Variants in IKZF2 observed in about 807,000 individuals in gnomAD.
IKZF2 encodes the protein zinc finger protein Helios.
Under a neutral mutation model 49.2 loss-of-function variants are expected in IKZF2, and 15 were observed. That is an observed-to-expected ratio of 0.30 (90% CI 0.20 to 0.47). IKZF2 has a LOEUF of 0.47. IKZF2 is among the 20% of genes least tolerant of loss of function. The pLI is 1.00. For synonymous variants in IKZF2, 227 were observed against 221.4 expected (o/e 1.03, Z -0.23); for missense variants, 567 against 664.6 (o/e 0.85, Z 1.61).
intron 6 of IKZF2, among the ~76,000 whole-genome samples, chr2:213,025,242 C>G (rs779465517): frequency 6.6e-6 from 1 of 152,148 alleles, no homozygotes; most frequent in Non-Finnish European, 1.5e-5. Flanking sequence ...TGCATCCCTT[C>G]AGATATTGTT....
intron 2 of IKZF2, among the ~76,000 whole-genome samples, chr2:213,149,143 C>T (rs1482887122): frequency 1.3e-5 from 2 of 152,082 alleles, no homozygotes; most frequent in Non-Finnish European, 2.9e-5. Flanking sequence ...AACTTAGTGC[C>T]CAACGGTGTC....
chr2:213,103,504 G>A (rs1380488991), intron 4 of IKZF2, among the ~76,000 whole-genome samples: 1 of 152,140 alleles, frequency 6.6e-6, no homozygotes, highest in African/African-American at 2.4e-5. Flanking sequence ...GAGAATGAAT[G>A]AATGAGTATA....
At chr2:213,051,462 T>C (rs7591008) in intron 5 of IKZF2, among the ~76,000 whole-genome samples, 1,979 of 152,090 alleles carry the variant, frequency 0.013, 40 homozygotes, top group African/African-American at 0.046. Flanking sequence ...AAAAAATCTG[T>C]AATGTTAAAG....
intron 6 of IKZF2, among the ~76,000 whole-genome samples, chr2:213,036,726 C>G (rs1699067891): frequency 1.3e-5 from 2 of 152,032 alleles, no homozygotes; most frequent in Non-Finnish European, 2.9e-5. Flanking sequence ...TAATTATATT[C>G]TAAATATATT....
At chr2:213,071,539 A>G (rs539322961) in intron 4 of IKZF2, among the ~76,000 whole-genome samples, 12 of 152,238 alleles carry the variant, frequency 7.9e-5, no homozygotes, top group Admixed American at 5.2e-4. Context: ...CACTAAAGAT[A>G]CAGTAACAAT....
At chr2:213,141,609 C>G (rs1321113345) in intron 4 of IKZF2, among the ~76,000 whole-genome samples, 2 of 151,872 alleles carry the variant, frequency 1.3e-5, no homozygotes, top group Non-Finnish European at 2.9e-5. Flanking sequence ...ACTCCTAAAT[C>G]CTATTCATTT....
chr2:213,056,317 C>T (rs3768789), intron 5 of IKZF2, among the ~76,000 whole-genome samples: 87,061 of 151,822 alleles, frequency 0.57, 25,830 homozygotes, highest in East Asian at 0.76. Flanking sequence ...AGAAAGATGG[C>T]AGCATCCCTG....
rs1269041860 is a variant in IKZF2 at position 213,005,249 on chromosome 2, A to G, written c.*2111T>C. The stretch of plus-strand genomic sequence containing the variant: ...TTATCTTTAAATAGGTTGTATGTTC[A>G]CTATGTACCAAGGCATGCAGAAAAA... On this transcript the variant is annotated 3_prime_UTR_variant, in exon 9 of 9. Transcript: ENST00000434687. 6.7e-6 allele frequency: 1 copy of G among 148,494 alleles called. No individual in the cohort carries two copies. The highest frequency in any genetic ancestry group is 2.0e-4 in the East Asian group (1 of 5,016). The allele number at this position is 148,494 out of a possible 1,614,324, so 9.2% of individuals were successfully genotyped here. A position where few individuals can be genotyped will look rare whatever the true frequency, so the allele number is the denominator to read the frequency against.
intron 4 of IKZF2, among the ~76,000 whole-genome samples, chr2:213,076,460 G>T (rs1421646173): frequency 6.6e-6 from 1 of 152,106 alleles, no homozygotes; most frequent in Non-Finnish European, 1.5e-5. Flanking sequence ...TTGCGATACA[G>T]TTATACTGAT....
intron 4 of IKZF2, among the ~76,000 whole-genome samples, chr2:213,092,583 G>A (rs960606033): frequency 3.3e-5 from 5 of 152,022 alleles, no homozygotes; most frequent in African/African-American, 1.2e-4. Flanking sequence ...CGCCCTGTTC[G>A]AGCCACAGTG....
upstream of IKZF2, chr2:213,151,715 T>TGGC (rs1341524956): frequency 2.7e-5 from 4 of 146,616 alleles, no homozygotes; most frequent in African/African-American, 7.4e-5. Context: ...GAGGGCGGGC[T>TGGC]GGCGGCGGCT....
intron 5 of IKZF2, among the ~76,000 whole-genome samples, chr2:213,055,976 T>G (rs1287269238): frequency 6.6e-6 from 1 of 152,122 alleles, no homozygotes; most frequent in Non-Finnish European, 1.5e-5. Flanking sequence ...AAAGCCATCA[T>G]TACCATTAAA....
intron 4 of IKZF2, among the ~76,000 whole-genome samples, chr2:213,130,986 G>T (rs779196092): frequency 6.6e-6 from 1 of 152,138 alleles, no homozygotes; most frequent in African/African-American, 2.4e-5. Context: ...CTATAGGAAT[G>T]ATTACAAACA....
At chr2:213,023,820 T>C (rs1697497021) in intron 6 of IKZF2, among the ~76,000 whole-genome samples, 1 of 152,112 alleles carries the variant, frequency 6.6e-6, no homozygotes, top group Non-Finnish European at 1.5e-5. Context: ...CATTTCCGGG[T>C]CTTCCCTGGT....
intron 4 of IKZF2, among the ~76,000 whole-genome samples, chr2:213,086,008 A>G (rs759050425): frequency 2.2e-4 from 33 of 152,150 alleles, no homozygotes; most frequent in Non-Finnish European, 3.2e-4. Context: ...ACGTGGGGTA[A>G]AGAATAATTG....
chr2:213,122,244 T>G (rs1175238409), intron 4 of IKZF2, among the ~76,000 whole-genome samples: 1 of 152,234 alleles, frequency 6.6e-6, no homozygotes, highest in African/African-American at 2.4e-5. Context: ...TACCATCTTC[T>G]GAAAAGCAGA....
chr2:213,073,560 A>G (rs1035097622), intron 4 of IKZF2, among the ~76,000 whole-genome samples: 2 of 152,250 alleles, frequency 1.3e-5, no homozygotes, highest in African/African-American at 4.8e-5. Flanking sequence ...TGAAAGAGGT[A>G]ACACTACAAG....
intron 4 of IKZF2, 142 bp from the exon 5 acceptor site, chr2:213,057,241 T>G: frequency 4.1e-6 from 3 of 734,984 alleles, no homozygotes; most frequent in Non-Finnish European, 6.5e-6. Context: ...AATGCCATGT[T>G]AATACATACT....
At chr2:213,143,032 A>C (rs1484710582) in intron 4 of IKZF2, among the ~76,000 whole-genome samples, 2 of 152,028 alleles carry the variant, frequency 1.3e-5, no homozygotes, top group African/African-American at 2.4e-5. Flanking sequence ...ACAGATAAGA[A>C]GGGAAAAAAG....
Sources: allele counts gnomAD v4.1 joint callset (sites outside exome capture counted in the v4.1 genomes callset), GRCh38; gene constraint gnomAD v4.1.1; transcripts MANE v1.5; gene names NCBI Gene and HGNC (gene_info 2026-07-23, HGNC 2026-07-21).